The following ADCY5 variants were observed in gnomAD, a reference collection of about 807,000 sequenced individuals.
The protein encoded by ADCY5 is adenylate cyclase type 5.
Under a neutral mutation model 119.7 loss-of-function variants are expected in ADCY5, and 30 were observed. The observed-to-expected ratio is 0.25, with a 90% CI of 0.19 to 0.34. ADCY5 has a LOEUF of 0.34. Among genes scored for constraint, ADCY5 ranks in the 10% least tolerant of loss-of-function variants. The pLI, the probability that ADCY5 is intolerant of heterozygous loss-of-function variation, is 1.00. For missense variants in ADCY5, 1,324 were observed against 1,775.2 expected, an observed-to-expected ratio of 0.75 and a Z score of 4.57; for synonymous variants, 753 against 762.2, an observed-to-expected ratio of 0.99 and a Z score of 0.20.
intron 1 of ADCY5, among the ~76,000 whole-genome samples, chr3:123,400,159 G>A (rs2107606600): frequency 6.6e-6 from 1 of 152,284 alleles, no homozygotes; most frequent in South Asian, 2.1e-4. Flanking sequence ...GAGTTAAGAG[G>A]TCTAAAACAG....
intron 1 of ADCY5, chr3:123,419,213 G>A (rs1189892800): frequency 2.7e-5 from 27 of 985,184 alleles, no homozygotes; most frequent in Non-Finnish European, 2.9e-5. Context: ...TGCATCTGAC[G>A]AGCACACAGT....
At chr3:123,363,155 A>G (rs1943316987) in intron 1 of ADCY5, among the ~76,000 whole-genome samples, 1 of 148,274 alleles carries the variant, frequency 6.7e-6, no homozygotes, top group Non-Finnish European at 1.5e-5. Flanking sequence ...AAAAAAAAAA[A>G]AAAAAAAGGA....
intron 8 of ADCY5, 49 bp from the exon 9 acceptor site, chr3:123,320,820 G>C: frequency 6.9e-7 from 1 of 1,445,126 alleles, no homozygotes. Context: ...AGAACAGAGA[G>C]AACTGAAAGC....
At chr3:123,423,657 G>A (rs753274083) in intron 1 of ADCY5, among the ~76,000 whole-genome samples, 16 of 152,310 alleles carry the variant, frequency 1.1e-4, no homozygotes, top group East Asian at 5.8e-4. Context: ...AAGAAGGCCC[G>A]TCACCAAGCC....
chr3:123,446,642 C>A (rs940458502), intron 1 of ADCY5, among the ~76,000 whole-genome samples: 2 of 152,232 alleles, frequency 1.3e-5, no homozygotes, highest in Admixed American at 1.3e-4. Context: ...CCTGAACCTG[C>A]AGTTCTAGAC....
At chr3:123,439,749 C>T (rs1312998401) in intron 1 of ADCY5, among the ~76,000 whole-genome samples, 3 of 152,194 alleles carry the variant, frequency 2.0e-5, no homozygotes, top group South Asian at 4.1e-4. Context: ...GAAGGCGGTC[C>T]TCAGAGCCAC....
In ADCY5 at chr3:123,289,969, C is replaced by T. The variant is rs201570023; in HGVS notation, c.3328-15G>A. 5 of 1,613,170 alleles carry T rather than the reference C, an allele frequency of 3.1e-6. No homozygotes were observed. The African/African-American group carries it at 6.7e-5, about 22-fold the overall frequency. Reference sequence around the variant, plus strand: ...TCGCTGATGATCTGGATGAAGGAGGCCAAACCTGGGTCACCCCAAGCCTGG... The same window carrying T: ...TCGCTGATGATCTGGATGAAGGAGGTCAAACCTGGGTCACCCCAAGCCTGG... On this transcript the variant is annotated splice_polypyrimidine_tract_variant and intron_variant, in intron 18 of 20. Coordinates refer to ENST00000462833, the MANE Select transcript of ADCY5 (RefSeq NM_183357.3).
rs115667734 is a variant in ADCY5 at position 123,372,125 on chromosome 3, A to T, written c.1135-19544T>A. On this transcript the variant is annotated intron_variant, in intron 1 of 20. Transcript: ENST00000462833. ...GTCCAGGAGCCCTGGTTGTCTCCTGAAAGGTGAGCCTCCATGCTGGCCCAA... is the reference window on the plus strand; with the variant it reads ...GTCCAGGAGCCCTGGTTGTCTCCTGTAAGGTGAGCCTCCATGCTGGCCCAA... Among the ~76,000 whole-genome samples, 730 of 152,276 alleles carry T rather than the reference A, an allele frequency of 4.8e-3. 3 individuals carry two copies. Among genetic ancestry groups the T allele is most frequent in the African/African-American group, 0.017 (707 of 41,572 alleles).
intron 1 of ADCY5, among the ~76,000 whole-genome samples, chr3:123,395,930 AGAAG>A (rs909657839): frequency 4.8e-5 from 7 of 146,118 alleles, no homozygotes; most frequent in South Asian, 2.2e-4. Flanking sequence ...AGGAGTGGAG[AGAAG>A]GAAGGAAGGA....
At chr3:123,310,802 A>G (rs1940526722) in intron 12 of ADCY5, among the ~76,000 whole-genome samples, 1 of 152,108 alleles carries the variant, frequency 6.6e-6, no homozygotes, top group African/African-American at 2.4e-5. Flanking sequence ...CAGGAGTGAA[A>G]CCAGGACTTG....
intron 1 of ADCY5, among the ~76,000 whole-genome samples, chr3:123,356,546 C>A (rs1167837066): frequency 6.6e-6 from 1 of 152,142 alleles, no homozygotes; most frequent in Non-Finnish European, 1.5e-5. Flanking sequence ...ACAAACCTCA[C>A]AAAATATACA....
At chr3:123,403,963 C>T (rs1576671603) in intron 1 of ADCY5, among the ~76,000 whole-genome samples, 1 of 152,320 alleles carries the variant, frequency 6.6e-6, no homozygotes. Context: ...GCTATTCTGA[C>T]TACAGCCAGC....
At chr3:123,434,747 G>C (rs1212453850) in intron 1 of ADCY5, among the ~76,000 whole-genome samples, 1 of 151,940 alleles carries the variant, frequency 6.6e-6, no homozygotes, top group Non-Finnish European at 1.5e-5. Flanking sequence ...AACTCCCCAG[G>C]GGATTCAAAG....
intron 8 of ADCY5, among the ~76,000 whole-genome samples, chr3:123,322,109 C>T (rs1941249740): frequency 1.3e-5 from 2 of 152,206 alleles, no homozygotes; most frequent in South Asian, 4.1e-4. Flanking sequence ...GGGGCAGGCC[C>T]GTGCCTGATG....
At chr3:123,408,937 T>C (rs1322756907) in intron 1 of ADCY5, among the ~76,000 whole-genome samples, 3 of 152,136 alleles carry the variant, frequency 2.0e-5, no homozygotes, top group South Asian at 2.1e-4. Context: ...GTCCTGCCAC[T>C]GCACTCCAGC....
At chr3:123,359,655 C>A (rs1943176243) in intron 1 of ADCY5, among the ~76,000 whole-genome samples, 1 of 152,148 alleles carries the variant, frequency 6.6e-6, no homozygotes, top group African/African-American at 2.4e-5. Context: ...CCACAAGAGG[C>A]TGGACCACCT....
intron 1 of ADCY5, among the ~76,000 whole-genome samples, chr3:123,422,893 CAG>C (rs1176100934): frequency 1.3e-5 from 2 of 152,198 alleles, no homozygotes; most frequent in Non-Finnish European, 2.9e-5. Flanking sequence ...GATACAGACA[CAG>C]AGATACCACC....
chr3:123,355,630 T>C (rs1169015823), intron 1 of ADCY5, among the ~76,000 whole-genome samples: 3 of 143,370 alleles, frequency 2.1e-5, no homozygotes, highest in Non-Finnish European at 3.1e-5. Flanking sequence ...AATACTTCAG[T>C]AGAAATCTAA....
At chr3:123,288,457 C>A (rs746593684) in intron 19 of ADCY5, among the ~76,000 whole-genome samples, 1 of 152,184 alleles carries the variant, frequency 6.6e-6, no homozygotes, top group Non-Finnish European at 1.5e-5. Context: ...CCTCCACAGA[C>A]CTTGGGAGGA....
Sources: gnomAD v4.1 joint callset for allele counts (sites outside exome capture counted in the v4.1 genomes callset) on GRCh38, gnomAD v4.1.1 for gene constraint, MANE v1.5 for transcripts, NCBI Gene and HGNC (gene_info 2026-07-23, HGNC 2026-07-21) for gene names.